SLCO6A1: variants seen among roughly 807,000 people sequenced by gnomAD.
SLCO6A1 encodes the protein cancer/testis antigen 48.
A neutral mutation model predicts 72.7 loss-of-function variants in SLCO6A1; 65 were observed. The ratio of observed to expected loss-of-function variants is 0.89; its 90% confidence interval spans 0.73 to 1.10. The LOEUF is 1.10. SLCO6A1 is among the 50% of genes least tolerant of loss of function. The pLI, the probability that SLCO6A1 is intolerant of heterozygous loss-of-function variation, is 0.00. For synonymous variants in SLCO6A1, 314 were observed against 298.2 expected (o/e 1.05, Z -0.55); for missense variants, 874 against 872.6 (o/e 1.00, Z -0.02).
chr5:102,497,574 G>A (rs139138818), intron 1 of SLCO6A1, among the ~76,000 whole-genome samples: 2 of 152,124 alleles, frequency 1.3e-5, no homozygotes, highest in Non-Finnish European at 2.9e-5. Flanking sequence ...CGTGCCAGCC[G>A]GTTAACCTGT....
chr5:102,448,670 G>A (rs184733963), intron 6 of SLCO6A1, among the ~76,000 whole-genome samples: 221 of 152,026 alleles, frequency 1.5e-3, no homozygotes, highest in Non-Finnish European at 2.5e-3. Flanking sequence ...AGTTGGTTTC[G>A]TCTGAAATAA....
intron 1 of SLCO6A1, among the ~76,000 whole-genome samples, chr5:102,493,456 A>G (rs974509749): frequency 1.3e-5 from 2 of 152,188 alleles, no homozygotes; most frequent in Non-Finnish European, 2.9e-5. Context: ...CCAATTAATG[A>G]CAAAAAATTC....
intron 12 of SLCO6A1, among the ~76,000 whole-genome samples, chr5:102,382,742 T>TA (rs1257265189): frequency 1.3e-5 from 2 of 151,472 alleles, no homozygotes; most frequent in Non-Finnish European, 3.0e-5. Flanking sequence ...TTTTTGACAC[T>TA]ACCATAAATG....
At chr5:102,432,930 TTTACATAA>T (rs1749298505) in intron 7 of SLCO6A1, among the ~76,000 whole-genome samples, 1 of 152,228 alleles carries the variant, frequency 6.6e-6, no homozygotes, top group South Asian at 2.1e-4. Context: ...ATTTGGTCTC[TTTACATAA>T]TTGCATATTT....
chr5:102,419,710 A>G (rs943993684), intron 8 of SLCO6A1, 116 bp downstream of exon 8: 27 of 819,044 alleles, frequency 3.3e-5, no homozygotes, highest in South Asian at 6.1e-5. Flanking sequence ...TATGTGTTTG[A>G]TAATTCCAAT....
At chr5:102,385,826 C>CTTT (rs57983218) in intron 12 of SLCO6A1, among the ~76,000 whole-genome samples, 2 of 121,214 alleles carry the variant, frequency 1.6e-5, no homozygotes, top group African/African-American at 3.2e-5. Context: ...CCTGTTTTTC[C>CTTT]TTTTTTTTTT....
intron 9 of SLCO6A1, among the ~76,000 whole-genome samples, chr5:102,407,616 T>G (rs1309579555): frequency 1.3e-5 from 2 of 152,190 alleles, no homozygotes; most frequent in Non-Finnish European, 2.9e-5. Context: ...CCTCATCTAA[T>G]TAGGTGAGCC....
At chr5:102,390,536 A>T (rs545400968) in intron 11 of SLCO6A1, among the ~76,000 whole-genome samples, 6 of 152,192 alleles carry the variant, frequency 3.9e-5, no homozygotes, top group African/African-American at 1.4e-4. Context: ...AAAATAGTAC[A>T]TTACCTCCCA....
At chr5:102,379,921 G>T (rs900746355) in intron 12 of SLCO6A1, among the ~76,000 whole-genome samples, 2 of 151,500 alleles carry the variant, frequency 1.3e-5, no homozygotes, top group African/African-American at 4.8e-5. Context: ...AATTGATTTT[G>T]TAGTTGTCAG....
chr5:102,413,841 A>G (rs1158654245), intron 8 of SLCO6A1, among the ~76,000 whole-genome samples: 1 of 152,152 alleles, frequency 6.6e-6, no homozygotes, highest in Non-Finnish European at 1.5e-5. Context: ...TTGGGTTTTA[A>G]TAGGCATTTT....
At chr5:102,433,267 C>T (rs920179327) in intron 7 of SLCO6A1, among the ~76,000 whole-genome samples, 1 of 152,178 alleles carries the variant, frequency 6.6e-6, no homozygotes, top group Admixed American at 6.5e-5. Flanking sequence ...ATTTCAGTCA[C>T]TTCAGCCATC....
intron 8 of SLCO6A1, among the ~76,000 whole-genome samples, chr5:102,414,126 T>C (rs1748140578): frequency 6.6e-6 from 1 of 152,184 alleles, no homozygotes; most frequent in Admixed American, 6.5e-5. Context: ...ATTATGTGTT[T>C]GGTGTCACAT....
intron 7 of SLCO6A1, among the ~76,000 whole-genome samples, chr5:102,436,246 T>C (rs1749530144): frequency 6.6e-6 from 1 of 152,154 alleles, no homozygotes; most frequent in Non-Finnish European, 1.5e-5. Flanking sequence ...TGCCTAAACC[T>C]TTCACTGATA....
intron 7 of SLCO6A1, among the ~76,000 whole-genome samples, chr5:102,433,758 C>G (rs6877762): frequency 6.6e-6 from 1 of 151,860 alleles, no homozygotes; most frequent in Non-Finnish European, 1.5e-5. Context: ...ACAGCAGCAG[C>G]GGCAGCATGG....
chr5:102,478,825 T>C (rs1365027131), intron 2 of SLCO6A1, among the ~76,000 whole-genome samples: 1 of 152,210 alleles, frequency 6.6e-6, no homozygotes, highest in Non-Finnish European at 1.5e-5. Context: ...AGTATACAAA[T>C]GAAAATTTTC....
intron 6 of SLCO6A1, among the ~76,000 whole-genome samples, chr5:102,453,881 C>A (rs1750564880): frequency 6.6e-6 from 1 of 152,086 alleles, no homozygotes; most frequent in African/African-American, 2.4e-5. Context: ...ATTCAAGTTT[C>A]AGGCAGTTTA....
chr5:102,485,122 C>A (rs904307746), intron 1 of SLCO6A1, among the ~76,000 whole-genome samples: 2 of 151,872 alleles, frequency 1.3e-5, no homozygotes, highest in Non-Finnish European at 2.9e-5. Flanking sequence ...TTGGTGGCAT[C>A]TGCCTGTAAT....
At chr5:102,489,317 T>TA (rs1752573155) in intron 1 of SLCO6A1, among the ~76,000 whole-genome samples, 1 of 152,142 alleles carries the variant, frequency 6.6e-6, no homozygotes. Flanking sequence ...AGTGGAAAAC[T>TA]CTAAAACAGA....
At chr5:102,472,756 A>T (rs961800538) in intron 4 of SLCO6A1, among the ~76,000 whole-genome samples, 1 of 152,014 alleles carries the variant, frequency 6.6e-6, no homozygotes, top group Non-Finnish European at 1.5e-5. Flanking sequence ...GAAAAAAGAG[A>T]TAAGACTCAA....
Sources: gnomAD v4.1 joint callset for allele counts (sites outside exome capture counted in the v4.1 genomes callset) on GRCh38, gnomAD v4.1.1 for gene constraint, MANE v1.5 for transcripts, NCBI Gene and HGNC (gene_info 2026-07-23, HGNC 2026-07-21) for gene names.